The following PTPRD variants were observed in gnomAD, a reference collection of about 807,000 sequenced individuals.
The protein encoded by PTPRD is receptor-type tyrosine-protein phosphatase delta.
Under a neutral mutation model 214.5 loss-of-function variants are expected in PTPRD, and 34 were observed. The observed-to-expected ratio is 0.16, with a 90% CI of 0.12 to 0.21. The LOEUF (loss-of-function observed/expected upper bound fraction) is 0.21. PTPRD is among the 10% of genes least tolerant of loss of function. The pLI, the probability that PTPRD is intolerant of heterozygous loss-of-function variation, is 1.00. For synonymous variants in PTPRD, 1,128 were observed against 845.7 expected (o/e 1.33, Z -5.79); for missense variants, 2,545 against 2,398.7 (o/e 1.06, Z -1.27).
intron 2 of PTPRD, among the ~76,000 whole-genome samples, chr9:10,424,016 G>C (rs1181148013): frequency 6.6e-6 from 1 of 151,912 alleles, no homozygotes; most frequent in African/African-American, 2.4e-5. Flanking sequence ...ATTGCGGAAA[G>C]CTACTTCAGC....
At chr9:8,519,758 A>T (rs2097854011) in intron 20 of PTPRD, among the ~76,000 whole-genome samples, 1 of 152,184 alleles carries the variant, frequency 6.6e-6, no homozygotes, top group Admixed American at 6.6e-5. Context: ...TGCCATTAAG[A>T]TTCACTCTTA....
At chr9:10,088,028 C>A (rs771123010) in intron 3 of PTPRD, among the ~76,000 whole-genome samples, 39 of 151,716 alleles carry the variant, frequency 2.6e-4, no homozygotes, top group Non-Finnish European at 4.7e-4. Flanking sequence ...GCATGAATTA[C>A]TTTATGACAG....
At position 8,764,405 on chromosome 9, in the gene PTPRD, C is replaced by A. The variant is rs182405097; in HGVS notation, c.-103-30459G>T. On this transcript the variant is annotated intron_variant, in intron 11 of 45. Coordinates refer to ENST00000381196, the MANE Select transcript of PTPRD (RefSeq NM_002839.4). ...CCTTATGTTCCCAGTAACACCCTGA[C>A]AGTTTAGAGATTTAAAACATCTGGA... is the stretch of plus-strand genomic sequence containing the variant. Among the ~76,000 whole-genome samples the A allele has an allele frequency of 1.1e-3, 164 of 152,272 alleles. 2 individuals are homozygous for A. Among genetic ancestry groups the A allele is most frequent in the African/African-American group, 3.8e-3 (159 of 41,536 alleles).
intron 3 of PTPRD, among the ~76,000 whole-genome samples, chr9:10,139,036 G>A (rs1027319324): frequency 6.6e-6 from 1 of 151,934 alleles, no homozygotes; most frequent in East Asian, 1.9e-4. Flanking sequence ...GGAAGTCCTA[G>A]CCAGAGAAAT....
chr9:9,111,864 A>G (rs933144018), intron 10 of PTPRD, among the ~76,000 whole-genome samples: 1 of 152,160 alleles, frequency 6.6e-6, no homozygotes, highest in Non-Finnish European at 1.5e-5. Context: ...TTTCCACTGC[A>G]TGATACAAAA....
intron 2 of PTPRD, among the ~76,000 whole-genome samples, chr9:10,468,922 A>T (rs573531581): frequency 1.2e-4 from 19 of 152,212 alleles, no homozygotes; most frequent in Non-Finnish European, 2.6e-4. Context: ...AGCCCATTTG[A>T]CAAAAGTCAA....
At chr9:10,575,693 G>C (rs530347632) in intron 2 of PTPRD, among the ~76,000 whole-genome samples, 8 of 151,988 alleles carry the variant, frequency 5.3e-5, no homozygotes, top group Non-Finnish European at 1.0e-4. Context: ...GAACTCTCTA[G>C]GTCATATCTT....
intron 12 of PTPRD, among the ~76,000 whole-genome samples, chr9:8,656,769 G>T (rs1232447195): frequency 1.3e-5 from 2 of 152,164 alleles, no homozygotes; most frequent in African/African-American, 4.8e-5. Context: ...GTATAGGAAA[G>T]GTTTCTGGGA....
chr9:8,518,261 C>A lies in PTPRD; in HGVS notation c.1130G>T (p.Arg377Leu), dbSNP rs371051836. Residue 377 changes from arginine (R) to leucine (L), a missense_variant, in exon 21 of 46, where the codon CGC becomes CTC. Arg to Leu is a moderately radical substitution (Grantham distance 102). Transcript: ENST00000381196. The part of the protein sequence containing the change: ...YKEIDGVATT[R>L]YSVAGLSPYS... ...GGGACTTAGTCCAGCGACACTGTAG[C>A]GTGTGGTCGCCACCCCATCAATTTC... 2 of 1,614,138 alleles carry A rather than the reference C, an allele frequency of 1.2e-6. No individual in the cohort carries two copies. Among genetic ancestry groups the A allele is most frequent in the Non-Finnish European group, 1.7e-6 (2 of 1,180,016 alleles).
chr9:8,599,613 C>CCCCCCCCCTCCTT (rs2094698008), intron 14 of PTPRD, among the ~76,000 whole-genome samples: 1 of 53,428 alleles, frequency 1.9e-5, no homozygotes, highest in Non-Finnish European at 3.6e-5. Flanking sequence ...CCCGCCCACC[C>CCCCCCCCCTCCTT]TTTTTTTTTT....
intron 2 of PTPRD, among the ~76,000 whole-genome samples, chr9:10,362,621 C>T (rs938484614): frequency 6.6e-6 from 1 of 152,064 alleles, no homozygotes; most frequent in Non-Finnish European, 1.5e-5. Flanking sequence ...GTGGCTCACG[C>T]CTGGAATCCC....
chr9:9,459,147 T>C lies in PTPRD; in HGVS notation c.-236-61665A>G, dbSNP rs555309250. Among the ~76,000 whole-genome samples, 8 of 152,084 alleles carry C rather than the reference T, an allele frequency of 5.3e-5. No homozygotes were observed. The South Asian group carries it at 8.3e-4, about 16-fold the overall frequency. The stretch of plus-strand genomic sequence containing the variant: ...CCCCATGGAATGGCCCCACAGGAGA[T>C]AGTGTGTTGGCTCATATGTCCAGTA... On this transcript the variant is annotated intron_variant, in intron 8 of 45. Transcript: ENST00000381196.
intron 4 of PTPRD, among the ~76,000 whole-genome samples, chr9:9,949,708 C>CA (rs1004899887): frequency 7.3e-5 from 11 of 151,712 alleles, no homozygotes; most frequent in Middle Eastern, 3.4e-3. Flanking sequence ...ACAACAACAA[C>CA]AAAAAAAATG....
At position 10,335,649 on chromosome 9, in the gene PTPRD, G is replaced by C. The variant is rs987276032; in HGVS notation, c.-545+5314C>G. 2.0e-5 allele frequency among the ~76,000 whole-genome samples: 3 copies of C among 151,576 alleles called. No homozygotes were observed. In the Admixed American group the frequency reaches 2.0e-4, roughly 10 times the overall value. On this transcript the variant is annotated intron_variant, in intron 3 of 45. Transcript: ENST00000381196. ...TGAAAAAAGACACTGTCAAGAGAAT[G>C]AAAAGACAAGCCAGTGACTGTAAGA... is the stretch of plus-strand genomic sequence containing the variant.
intron 3 of PTPRD, among the ~76,000 whole-genome samples, chr9:10,102,408 A>AC (rs1209379089): frequency 3.6e-5 from 2 of 55,164 alleles, no homozygotes; most frequent in Non-Finnish European, 6.4e-5. Flanking sequence ...ATGTCAATAT[A>AC]AAAAAACCCA....
At chr9:9,076,407 G>T (rs116880854) in intron 10 of PTPRD, among the ~76,000 whole-genome samples, 1 of 151,722 alleles carries the variant, frequency 6.6e-6, no homozygotes, top group Non-Finnish European at 1.5e-5. Context: ...TAGTGTAAGT[G>T]TTATTTTTGT....
intron 4 of PTPRD, among the ~76,000 whole-genome samples, chr9:9,967,390 C>T (rs1273516537): frequency 6.6e-6 from 1 of 152,090 alleles, no homozygotes; most frequent in Non-Finnish European, 1.5e-5. Context: ...AGAGAAGGGT[C>T]GTCACAGTAA....
chr9:9,254,965 T>C lies in PTPRD; in HGVS notation c.-202-71602A>G, dbSNP rs150657857. 1.6e-3 allele frequency among the ~76,000 whole-genome samples: 250 copies of C among 152,186 alleles called. 1 individual carries two copies. The highest frequency in any genetic ancestry group is 5.8e-3 in the African/African-American group (242 of 41,550). ...AAAATATCCATTATTCAAAAACAGGTTGTAAAATTCTGACAAAGATTTCTT... is the reference window on the plus strand; with the variant it reads ...AAAATATCCATTATTCAAAAACAGGCTGTAAAATTCTGACAAAGATTTCTT... On this transcript the variant is annotated intron_variant, in intron 9 of 45. Coordinates refer to ENST00000381196, the MANE Select transcript of PTPRD (RefSeq NM_002839.4).
At chr9:9,412,453 C>A (rs2075752239) in intron 8 of PTPRD, among the ~76,000 whole-genome samples, 2 of 150,704 alleles carry the variant, frequency 1.3e-5, no homozygotes, top group Non-Finnish European at 1.5e-5. Flanking sequence ...GGTCTGGGCA[C>A]AGATAGAGAC....
Sources: allele counts gnomAD v4.1 joint callset (sites outside exome capture counted in the v4.1 genomes callset), GRCh38; gene constraint gnomAD v4.1.1; transcripts MANE v1.5; gene names NCBI Gene and HGNC (gene_info 2026-07-23, HGNC 2026-07-21).